UBR3: variants seen among roughly 807,000 people sequenced by gnomAD.
UBR3 encodes E3 ubiquitin-protein ligase UBR3.
UBR3 carries 85 observed loss-of-function variants against 243.2 expected under a neutral mutation model. The ratio of observed to expected loss-of-function variants is 0.35; its 90% CI spans 0.29 to 0.42. The LOEUF is 0.42. UBR3 is among the 10% of genes least tolerant of loss of function. UBR3 has a pLI of 1.00. For synonymous variants in UBR3, 748 were observed against 799.8 expected (o/e 0.94, Z 1.09); for missense variants, 1,686 against 2,300.8 (o/e 0.73, Z 5.47).
At chr2:169,965,250 T>C (rs1012563760) in intron 24 of UBR3, among the ~76,000 whole-genome samples, 2 of 152,186 alleles carry the variant, frequency 1.3e-5, no homozygotes, top group African/African-American at 4.8e-5. Context: ...GAAGTAGTAT[T>C]AATACTTGGC....
intron 31 of UBR3, among the ~76,000 whole-genome samples, chr2:170,035,726 A>G (rs2090807866): frequency 6.6e-6 from 1 of 151,994 alleles, no homozygotes; most frequent in South Asian, 2.1e-4. Flanking sequence ...TTGAGATTGC[A>G]TTGAATCTCT....
intron 24 of UBR3, among the ~76,000 whole-genome samples, chr2:169,974,922 C>T (rs115730513): frequency 0.019 from 2,835 of 152,198 alleles, 58 homozygotes; most frequent in East Asian, 0.038. Flanking sequence ...TGGCTCTTGC[C>T]TGTGATCCCA....
chr2:170,000,203 G>A (rs1380778462), intron 26 of UBR3, among the ~76,000 whole-genome samples: 2 of 152,034 alleles, frequency 1.3e-5, no homozygotes, highest in African/African-American at 4.8e-5. Flanking sequence ...ATATAGTCTG[G>A]GTCCCTTCTT....
intron 35 of UBR3, among the ~76,000 whole-genome samples, chr2:170,067,891 C>T (rs974193787): frequency 2.0e-5 from 3 of 151,570 alleles, no homozygotes; most frequent in African/African-American, 7.3e-5. Context: ...CCCTCAGCCT[C>T]CTGAATAGCT....
intron 1 of UBR3, among the ~76,000 whole-genome samples, chr2:169,851,230 T>C (rs1213077099): frequency 6.6e-6 from 1 of 152,210 alleles, no homozygotes; most frequent in East Asian, 1.9e-4. Context: ...GCTCAAGTGA[T>C]TATCTCACCT....
rs943357623 is a variant in UBR3, at chr2:169,986,701, G to A, written c.3691G>A (p.Glu1231Lys). The A allele has an allele frequency of 6.2e-7, 1 of 1,613,998 alleles. No homozygotes were observed. The highest frequency in any genetic ancestry group is 8.5e-7 in the Non-Finnish European group (1 of 1,179,968). Residue 1231 changes from glutamate (E) to lysine (K), a missense_variant, in exon 25 of 39, where the codon GAG (glutamate) becomes AAG (lysine). Coordinates refer to ENST00000272793, the MANE Select transcript of UBR3 (RefSeq NM_172070.4). ...EITTAEPQVS[E>K]AVYDCVICGQ... ...CACCACGGCAGAACCACAGGTTTCCGAGGCAGTATATGACTGTGTTATTTG... is the reference window on the plus strand; with the variant it reads ...CACCACGGCAGAACCACAGGTTTCCAAGGCAGTATATGACTGTGTTATTTG...
At chr2:169,844,254 C>T (rs2082393139) in intron 1 of UBR3, among the ~76,000 whole-genome samples, 1 of 152,116 alleles carries the variant, frequency 6.6e-6, no homozygotes, top group Non-Finnish European at 1.5e-5. Context: ...CCGCCTCAGC[C>T]TCCCAGAGTG....
At chr2:170,072,313 A>G (rs1464978546) in intron 35 of UBR3, among the ~76,000 whole-genome samples, 1 of 152,130 alleles carries the variant, frequency 6.6e-6, no homozygotes, top group African/African-American at 2.4e-5. Context: ...TCAGTAAACT[A>G]TCACAAGAAC....
At chr2:170,029,169 T>G (rs767743157) in intron 30 of UBR3, among the ~76,000 whole-genome samples, 177 bp from the exon 31 acceptor site, 3 of 152,042 alleles carry the variant, frequency 2.0e-5, no homozygotes, top group Non-Finnish European at 4.4e-5. Flanking sequence ...TATTTGGATA[T>G]GTATTTCAGA....
chr2:169,880,311 G>A (rs186862862), intron 5 of UBR3, among the ~76,000 whole-genome samples: 21 of 152,330 alleles, frequency 1.4e-4, no homozygotes, highest in African/African-American at 4.8e-4. Context: ...TTATATTTAT[G>A]TGGTAGGTTA....
chr2:169,962,774 A>G (rs2087639503), intron 24 of UBR3, among the ~76,000 whole-genome samples: 1 of 151,970 alleles, frequency 6.6e-6, no homozygotes, highest in Non-Finnish European at 1.5e-5. Flanking sequence ...CTGTTTTTCT[A>G]AATTATCCTT....
intron 1 of UBR3, among the ~76,000 whole-genome samples, chr2:169,842,992 A>G (rs999301538): frequency 1.3e-5 from 2 of 152,248 alleles, no homozygotes; most frequent in Non-Finnish European, 2.9e-5. Context: ...TATTTCTACC[A>G]ACATTCCATT....
chr2:170,010,600 G>A (rs1205015598), intron 29 of UBR3, among the ~76,000 whole-genome samples: 1 of 152,130 alleles, frequency 6.6e-6, no homozygotes, highest in Non-Finnish European at 1.5e-5. Context: ...GAGACCTTCT[G>A]GATCAAGACA....
chr2:169,956,084 CTCTGATACTT>C (rs1395472515), intron 23 of UBR3, among the ~76,000 whole-genome samples: 1 of 151,926 alleles, frequency 6.6e-6, no homozygotes, highest in Non-Finnish European at 1.5e-5. Flanking sequence ...TGTGAGTTCA[CTCTGATACTT>C]TCAATTCCAA....
chr2:169,858,738 T>TA (rs1336307033), intron 1 of UBR3, among the ~76,000 whole-genome samples: 2 of 152,072 alleles, frequency 1.3e-5, no homozygotes, highest in Non-Finnish European at 2.9e-5. Flanking sequence ...TAGCTGGGAT[T>TA]ACAGGCACCC....
chr2:169,883,924 C>G (rs1233042822), intron 5 of UBR3, among the ~76,000 whole-genome samples: 2 of 151,982 alleles, frequency 1.3e-5, no homozygotes, highest in African/African-American at 4.8e-5. Context: ...CCTCTGCTTC[C>G]CAGGTTCAAG....
At chr2:169,929,896 C>G (rs978332699) in intron 18 of UBR3, among the ~76,000 whole-genome samples, 3 of 152,118 alleles carry the variant, frequency 2.0e-5, no homozygotes, top group African/African-American at 7.2e-5. Flanking sequence ...ATAATATACA[C>G]TGTACTGTGT....
Position 170,083,972 on chromosome 2 carries a change from G to A in UBR3, c.*2129G>A, listed in dbSNP as rs1278914713. On this transcript the variant is annotated 3_prime_UTR_variant, in exon 39 of 39. Transcript: ENST00000272793. ...ATATTATTCAAAAAAATGTACTGGT[G>A]TGATATCTTGTATGAATGATCATTT... The A allele has an allele frequency of 6.6e-6, 1 of 152,536 alleles. No homozygotes were observed. Among genetic ancestry groups the A allele is most frequent in the Non-Finnish European group, 1.5e-5 (1 of 67,996 alleles). 9.4% of individuals were successfully genotyped at this position (152,536 alleles called of 1,614,324 possible). A position where few individuals can be genotyped will look rare whatever the true frequency, so the allele number is the denominator to read the frequency against.
intron 26 of UBR3, among the ~76,000 whole-genome samples, chr2:169,997,119 CTATTTAGACTT>C (rs368154160): frequency 1.7e-4 from 7 of 40,886 alleles, no homozygotes; most frequent in African/African-American, 4.5e-4. Context: ...CAGAAATTTA[CTATTTAGACTT>C]TATTTAGACT....
Sources: allele counts gnomAD v4.1 joint callset (sites outside exome capture counted in the v4.1 genomes callset), GRCh38; gene constraint gnomAD v4.1.1; transcripts MANE v1.5; gene names NCBI Gene and HGNC (gene_info 2026-07-23, HGNC 2026-07-21).